PTPRD: variants seen among roughly 807,000 people sequenced by gnomAD.
PTPRD encodes receptor-type tyrosine-protein phosphatase delta.
Under a neutral mutation model 214.5 loss-of-function variants are expected in PTPRD, and 34 were observed. The observed-to-expected ratio is 0.16, with a 90% CI of 0.12 to 0.21. The LOEUF is 0.21. Ranked by LOEUF, PTPRD falls within the 10% of genes least tolerant of loss-of-function variation. The pLI is 1.00. For synonymous variants in PTPRD, 1,128 were observed against 845.7 expected (o/e 1.33, Z -5.79); for missense variants, 2,545 against 2,398.7 (o/e 1.06, Z -1.27).
At chr9:10,607,809 G>A (rs1030236428) in intron 2 of PTPRD, among the ~76,000 whole-genome samples, 1 of 151,630 alleles carries the variant, frequency 6.6e-6, no homozygotes, top group African/African-American at 2.4e-5. Context: ...TTCCTTCTTT[G>A]TATTCATTTT....
chr9:8,650,390 T>C (rs151112420), intron 12 of PTPRD, among the ~76,000 whole-genome samples: 265 of 152,014 alleles, frequency 1.7e-3, no homozygotes, highest in African/African-American at 6.2e-3. Flanking sequence ...TTAGGCACAG[T>C]GGCACATGCC....
chr9:9,293,387 TTC>T (rs200487167), intron 9 of PTPRD, among the ~76,000 whole-genome samples: 18 of 117,716 alleles, frequency 1.5e-4, no homozygotes, highest in Admixed American at 3.3e-4. Flanking sequence ...TGTTTGTTTG[TTC>T]TTTTTTTTTT....
At chr9:10,488,539 C>A (rs1326094424) in intron 2 of PTPRD, among the ~76,000 whole-genome samples, 1 of 152,114 alleles carries the variant, frequency 6.6e-6, no homozygotes, top group Non-Finnish European at 1.5e-5. Context: ...TCCTTCCATT[C>A]AGGATGGCAA....
chr9:10,302,820 C>A (rs1195310761), intron 3 of PTPRD, among the ~76,000 whole-genome samples: 1 of 152,166 alleles, frequency 6.6e-6, no homozygotes, highest in Non-Finnish European at 1.5e-5. Flanking sequence ...TAGTGGGAAA[C>A]TGTAACACCC....
chr9:10,393,403 A>G (rs992339451), intron 2 of PTPRD, among the ~76,000 whole-genome samples: 2 of 151,644 alleles, frequency 1.3e-5, no homozygotes, highest in East Asian at 1.9e-4. Context: ...AATACATTAG[A>G]CCCATTTCTT....
chr9:9,183,016 T>G (rs73403458), intron 10 of PTPRD, among the ~76,000 whole-genome samples: 85 of 152,040 alleles, frequency 5.6e-4, no homozygotes, highest in African/African-American at 2.0e-3. Flanking sequence ...TTTAACCGAT[T>G]GTTAGATTTC....
intron 5 of PTPRD, among the ~76,000 whole-genome samples, chr9:9,778,934 A>C (rs2098821034): frequency 6.6e-6 from 1 of 151,992 alleles, no homozygotes; most frequent in East Asian, 1.9e-4. Context: ...AAGCCAGGGC[A>C]TCACACTACC....
intron 14 of PTPRD, among the ~76,000 whole-genome samples, chr9:8,606,392 A>G (rs187146636): frequency 5.2e-4 from 79 of 152,336 alleles, no homozygotes; most frequent in African/African-American, 1.8e-3. Context: ...ATTACCTGTG[A>G]ATAGCATCTT....
intron 3 of PTPRD, among the ~76,000 whole-genome samples, chr9:10,173,428 A>T (rs1037004144): frequency 6.6e-6 from 1 of 152,188 alleles, no homozygotes; most frequent in Non-Finnish European, 1.5e-5. Context: ...AGTAAGATGT[A>T]GGGTCAGAAT....
chr9:9,421,606 A>T (rs1569568179), intron 8 of PTPRD, among the ~76,000 whole-genome samples: 1 of 152,080 alleles, frequency 6.6e-6, no homozygotes, highest in Non-Finnish European at 1.5e-5. Context: ...TTAGCAATAC[A>T]CCACTTGGGA....
intron 4 of PTPRD, among the ~76,000 whole-genome samples, chr9:9,942,793 A>AT (rs956769116): frequency 2.0e-5 from 3 of 151,830 alleles, no homozygotes; most frequent in Admixed American, 6.6e-5. Flanking sequence ...TAGCTTTGCC[A>AT]TTTTTTATCC....
intron 9 of PTPRD, among the ~76,000 whole-genome samples, chr9:9,346,349 T>C (rs952716713): frequency 1.3e-5 from 2 of 152,144 alleles, no homozygotes; most frequent in African/African-American, 4.8e-5. Flanking sequence ...GTAACATAAT[T>C]TGATCTTGAG....
intron 11 of PTPRD, among the ~76,000 whole-genome samples, chr9:8,950,342 C>G (rs2099094677): frequency 6.6e-6 from 1 of 151,966 alleles, no homozygotes; most frequent in South Asian, 2.1e-4. Context: ...TTAAAATTTT[C>G]CAACATATTC....
chr9:9,515,907 T>A (rs1040207942), intron 8 of PTPRD, among the ~76,000 whole-genome samples: 2 of 152,086 alleles, frequency 1.3e-5, no homozygotes. Flanking sequence ...AATTGAATAT[T>A]GCCCCCAGCT....
intron 3 of PTPRD, among the ~76,000 whole-genome samples, chr9:10,244,615 C>A (rs1294793104): frequency 6.6e-6 from 1 of 152,032 alleles, no homozygotes; most frequent in Non-Finnish European, 1.5e-5. Flanking sequence ...ATCATCCTAC[C>A]ATTCCTAAGA....
intron 3 of PTPRD, among the ~76,000 whole-genome samples, chr9:10,332,016 G>C (rs2096759820): frequency 6.6e-6 from 1 of 151,786 alleles, no homozygotes; most frequent in Non-Finnish European, 1.5e-5. Flanking sequence ...GCAGCAATAA[G>C]ACATGCAAAC....
intron 7 of PTPRD, among the ~76,000 whole-genome samples, chr9:9,643,592 T>C (rs2096046079): frequency 6.6e-6 from 1 of 152,132 alleles, no homozygotes; most frequent in Non-Finnish European, 1.5e-5. Context: ...CTTATAAAAT[T>C]AATAGATCCT....
chr9:9,569,871 T>C (rs922361886), intron 8 of PTPRD, among the ~76,000 whole-genome samples: 5 of 151,540 alleles, frequency 3.3e-5, no homozygotes, highest in African/African-American at 1.2e-4. Context: ...ATAGGAATAA[T>C]CTGTCCAAAG....
chr9:8,703,536 G>A (rs911629225), intron 12 of PTPRD, among the ~76,000 whole-genome samples: 1 of 152,100 alleles, frequency 6.6e-6, no homozygotes, highest in African/African-American at 2.4e-5. Context: ...CTCTATGCAT[G>A]CGGCCTCTAG....
Sources: gnomAD v4.1 joint callset for allele counts (sites outside exome capture counted in the v4.1 genomes callset) on GRCh38, gnomAD v4.1.1 for gene constraint, MANE v1.5 for transcripts, NCBI Gene and HGNC (gene_info 2026-07-23, HGNC 2026-07-21) for gene names.